The following POLR1A variants were observed in gnomAD, a reference collection of about 807,000 sequenced individuals.
The protein encoded by POLR1A is DNA-directed RNA polymerase I subunit RPA1.
POLR1A carries 84 observed loss-of-function variants against 205.3 expected under a neutral mutation model. The ratio of observed to expected loss-of-function variants is 0.41; its 90% CI spans 0.34 to 0.49. The LOEUF is 0.49. Ranked by LOEUF, POLR1A falls within the 20% of genes least tolerant of loss-of-function variation. The pLI is 0.22. For missense variants in POLR1A, 1,645 were observed against 2,204.5 expected (o/e 0.75, Z 5.08); for synonymous variants, 799 against 863.7 (o/e 0.93, Z 1.31).
rs924429379 is a variant in POLR1A at position 86,081,106 on chromosome 2, A to C, written c.924-128T>G. On this transcript the variant is annotated intron_variant, in intron 8 of 33. Transcript: ENST00000263857. ...CTCAAAACAACCAACCTTCCTAACC[A>C]ACATTCCGGCTGGGTGTGGTGGCTT... The C allele has an allele frequency of 1.2e-5, 10 of 826,104 alleles. No individual in the cohort carries two copies. In the African/African-American group the frequency reaches 1.7e-4, roughly 14 times the overall value. 51.2% of individuals were successfully genotyped at this position (826,104 alleles called of 1,614,324 possible). A position where few individuals can be genotyped will look rare whatever the true frequency, so the allele number is the denominator to read the frequency against.
intron 13 of POLR1A, among the ~76,000 whole-genome samples, chr2:86,069,320 G>A (rs1673135438): frequency 6.6e-6 from 1 of 152,224 alleles, no homozygotes; most frequent in Admixed American, 6.5e-5. Context: ...GGGTGAAGGA[G>A]GCACTGGAAC....
In POLR1A at chr2:86,021,625, G is replaced by A. The variant is rs926229325; in HGVS notation, c.*5798C>T. On this transcript the variant is annotated 3_prime_UTR_variant, in exon 34 of 34. Transcript: ENST00000263857. ...AGCCTGCTGGGTACCTCAACCTTTG[G>A]CCTGATCATGAAGACGGTGAACTGG... 1 of 149,838 alleles carries A rather than the reference G, an allele frequency of 6.7e-6. No homozygotes were observed. The highest frequency in any genetic ancestry group is 2.5e-5 in the African/African-American group (1 of 40,528). 9.3% of individuals were successfully genotyped at this position (149,838 alleles called of 1,614,324 possible).
chr2:86,078,390 G>A, intron 9 of POLR1A, 106 bp from the exon 10 acceptor site: 2 of 792,168 alleles, frequency 2.5e-6, no homozygotes, highest in Non-Finnish European at 2.0e-6. Flanking sequence ...TATGCACTCT[G>A]GAGTTTATCT....
intron 27 of POLR1A, among the ~76,000 whole-genome samples, chr2:86,037,896 C>T (rs1672527587): frequency 1.3e-5 from 2 of 152,202 alleles, no homozygotes; most frequent in African/African-American, 2.4e-5. Flanking sequence ...TAACAGGTGC[C>T]CCTTGAGACA....
intron 6 of POLR1A, among the ~76,000 whole-genome samples, chr2:86,085,038 T>C (rs558238803): frequency 6.6e-6 from 1 of 152,372 alleles, no homozygotes; most frequent in South Asian, 2.1e-4. Flanking sequence ...CTTCGCTCAC[T>C]GCAAGCTCTG....
chr2:86,100,438 A>T (rs1352272414), intron 1 of POLR1A, among the ~76,000 whole-genome samples: 1 of 152,246 alleles, frequency 6.6e-6, no homozygotes, highest in Non-Finnish European at 1.5e-5. Flanking sequence ...AAACAGATTT[A>T]GAACAAAACT....
rs1030371919 is a variant in POLR1A at position 86,043,202 on chromosome 2, AAAC to A, written c.3136-10_3136-8del. The A allele has an allele frequency of 2.5e-6, 4 of 1,600,010 alleles. No homozygotes were observed. Among genetic ancestry groups the A allele is most frequent in the Admixed American group, 1.7e-5 (1 of 59,788 alleles). ...GCTGTGATTTCATTATCACCTAAAC[AAAC>A]AAACAAAAAAACAAACAAACAAATC... On this transcript the variant is annotated splice_polypyrimidine_tract_variant and splice_region_variant and intron_variant, in intron 22 of 33. Transcript: ENST00000263857.
chr2:86,097,588 G>C (rs577184874), intron 3 of POLR1A, among the ~76,000 whole-genome samples: 3 of 152,292 alleles, frequency 2.0e-5, no homozygotes, highest in African/African-American at 7.2e-5. Flanking sequence ...CCTGTCATTT[G>C]CAACAACATA....
chr2:86,035,564 C>T (rs866512874), intron 27 of POLR1A, among the ~76,000 whole-genome samples: 10 of 152,156 alleles, frequency 6.6e-5, no homozygotes, highest in East Asian at 1.9e-4. Context: ...CTCAGCTGGG[C>T]GCCCCAGCCT....
At chr2:86,065,140 G>A in intron 14 of POLR1A, 134 bp downstream of exon 14, 1 of 835,698 alleles carries the variant, frequency 1.2e-6, no homozygotes, top group Non-Finnish European at 1.9e-6. Context: ...CCCAAACAAA[G>A]GGGAAAGAAA....
chr2:86,081,130 T>C, intron 8 of POLR1A, 152 bp from the exon 9 acceptor site: 1 of 711,308 alleles, frequency 1.4e-6, no homozygotes, highest in Non-Finnish European at 2.3e-6. Context: ...GTGTGGTGGC[T>C]TAAGCCTGTA....
intron 14 of POLR1A, among the ~76,000 whole-genome samples, chr2:86,064,253 C>T (rs1182692462): frequency 6.6e-6 from 1 of 151,994 alleles, no homozygotes; most frequent in African/African-American, 2.4e-5. Context: ...AGAGAAAAAC[C>T]ATGTTTAGAA....
intron 3 of POLR1A, among the ~76,000 whole-genome samples, chr2:86,093,650 A>G (rs1446015850): frequency 1.3e-5 from 2 of 152,146 alleles, no homozygotes; most frequent in Non-Finnish European, 2.9e-5. Flanking sequence ...CAAAACAGCA[A>G]AACCCCATCT....
intron 16 of POLR1A, among the ~76,000 whole-genome samples, chr2:86,051,706 G>A (rs1026575332): frequency 6.6e-6 from 1 of 152,264 alleles, no homozygotes; most frequent in Non-Finnish European, 1.5e-5. Context: ...GCCAGGGGCT[G>A]AGCCTTTGGA....
chr2:86,083,134 G>A lies in POLR1A; in HGVS notation c.765C>T (p.Tyr255=). 6.2e-7 allele frequency: 1 copy of A among 1,614,054 alleles called. No homozygotes were observed. The highest frequency in any genetic ancestry group is 8.5e-7 in the Non-Finnish European group (1 of 1,179,918). Residue 255 remains tyrosine, a synonymous_variant, in exon 7 of 34, where the codon TAC becomes TAT. Transcript: ENST00000263857. ...IEEAQIGKRG[Y]LTPTSAREHL... is the part of the protein sequence containing the mutation. ...GTTCGCGGGCACTGGTGGGTGTTAA[G>A]TATCCTCGTTTTCCTATCTGAGCTT...
chr2:86,044,091 G>C, intron 22 of POLR1A, 48 bp downstream of exon 22: 1 of 1,585,076 alleles, frequency 6.3e-7, no homozygotes, highest in Non-Finnish European at 8.7e-7. Flanking sequence ...AACCTCGGTG[G>C]GGGAGGCCTA....
intron 12 of POLR1A, among the ~76,000 whole-genome samples, chr2:86,074,333 T>C (rs563437687): frequency 1.6e-3 from 240 of 152,286 alleles, no homozygotes; most frequent in Non-Finnish European, 2.5e-3. Flanking sequence ...CAGTCACCTA[T>C]TGACTCCGGT....
chr2:86,046,066 G>A lies in POLR1A; in HGVS notation c.2734-297C>T, dbSNP rs75616318. ...CATGTTATACCTGTAAAGGACTGGA[G>A]GGTCCTGATGGGGAAAGAGAGGCCT... On this transcript the variant is annotated intron_variant, in intron 19 of 33. Coordinates refer to ENST00000263857, the MANE Select transcript of POLR1A (RefSeq NM_015425.6). 7.7e-3 allele frequency among the ~76,000 whole-genome samples: 1,177 copies of A among 152,254 alleles called. 17 individuals are homozygous for A. The highest frequency in any genetic ancestry group is 0.027 in the African/African-American group (1,120 of 41,544).
At position 86,031,661 on chromosome 2, in the gene POLR1A, T is replaced by G. The variant is rs2278536; in HGVS notation, c.4273-26A>C. On this transcript the variant is annotated intron_variant, in intron 29 of 33. Transcript: ENST00000263857. ...CTGGCAGAAAAGGGAGCACAGGCTG[T>G]GTCACTTGGGGACCCACCATCTACC... 0.48 allele frequency: 757,894 copies of G among 1,587,314 alleles called. 194,102 individuals carry two copies. Among genetic ancestry groups the G allele is most frequent in the Non-Finnish European group, 0.53 (620,664 of 1,164,772 alleles).
Sources: allele counts gnomAD v4.1 joint callset (sites outside exome capture counted in the v4.1 genomes callset), GRCh38; gene constraint gnomAD v4.1.1; transcripts MANE v1.5; gene names NCBI Gene and HGNC (gene_info 2026-07-23, HGNC 2026-07-21).